Variants in MAP7 observed in about 807,000 individuals in gnomAD.
MAP7 encodes microtubule associated protein 7.
MAP7 carries 52 observed loss-of-function variants against 94.8 expected under a neutral mutation model. The observed-to-expected ratio is 0.55, with a 90% CI of 0.44 to 0.69. The LOEUF (loss-of-function observed/expected upper bound fraction) is 0.69. MAP7 is among the 30% of genes least tolerant of loss of function. MAP7 has a pLI of 0.00. For missense variants in MAP7, 940 were observed against 964.6 expected, an observed-to-expected ratio of 0.97 and a Z score of 0.34; for synonymous variants, 350 against 357.0, an observed-to-expected ratio of 0.98 and a Z score of 0.22.
chr6:136,441,701 T>C (rs1797911867), intron 1 of MAP7, among the ~76,000 whole-genome samples: 1 of 152,128 alleles, frequency 6.6e-6, no homozygotes. Context: ...TGACAGAAGA[T>C]GCTTTGAGTG....
intron 16 of MAP7, among the ~76,000 whole-genome samples, chr6:136,350,456 A>G (rs981481358): frequency 3.3e-5 from 5 of 152,230 alleles, no homozygotes; most frequent in African/African-American, 1.2e-4. Flanking sequence ...TTTTTAACAG[A>G]ATTTCAGATG....
At chr6:136,353,297 C>A (rs535887716) in intron 16 of MAP7, among the ~76,000 whole-genome samples, 8 of 152,238 alleles carry the variant, frequency 5.3e-5, no homozygotes, top group African/African-American at 1.9e-4. Context: ...GCTTATTTGA[C>A]AAGGGCTAAT....
chr6:136,466,771 AGT>A (rs1807249939), intron 1 of MAP7: 1 of 1,535,376 alleles, frequency 6.5e-7, no homozygotes, highest in East Asian at 2.4e-5. Flanking sequence ...AGTACAGTTT[AGT>A]GTCTTCCATG....
intron 1 of MAP7, among the ~76,000 whole-genome samples, chr6:136,431,175 TCCTA>T (rs2128807214): frequency 6.6e-6 from 1 of 152,334 alleles, no homozygotes; most frequent in East Asian, 1.9e-4. Context: ...TTTAAGCTAT[TCCTA>T]CCACCATCAC....
intron 5 of MAP7, among the ~76,000 whole-genome samples, chr6:136,386,464 T>A (rs1454788958): frequency 6.6e-6 from 1 of 152,168 alleles, no homozygotes; most frequent in African/African-American, 2.4e-5. Flanking sequence ...AAGCTTTGAG[T>A]GTGGAGGCAA....
At chr6:136,429,775 G>T (rs1276817052) in intron 1 of MAP7, among the ~76,000 whole-genome samples, 1 of 152,116 alleles carries the variant, frequency 6.6e-6, no homozygotes, top group East Asian at 1.9e-4. Flanking sequence ...TAAAAAATAA[G>T]TAAATAAGTA....
At chr6:136,466,669 G>A (rs1372758976) in intron 1 of MAP7, 1 of 1,251,746 alleles carries the variant, frequency 8.0e-7, no homozygotes, top group Non-Finnish European at 1.1e-6. Context: ...CTTGTTATAA[G>A]TATTAATTTG....
chr6:136,444,677 A>T (rs1798811499), intron 1 of MAP7, among the ~76,000 whole-genome samples: 1 of 152,330 alleles, frequency 6.6e-6, no homozygotes, highest in Non-Finnish European at 1.5e-5. Context: ...TAGAACAGGG[A>T]GGTAAATATT....
intron 8 of MAP7, among the ~76,000 whole-genome samples, chr6:136,369,946 A>G (rs542943224): frequency 1.5e-4 from 23 of 152,216 alleles, no homozygotes; most frequent in Non-Finnish European, 3.1e-4. Context: ...ATCAAACTTA[A>G]ACACTTCTAT....
intron 1 of MAP7, among the ~76,000 whole-genome samples, chr6:136,462,898 G>C (rs1805706873): frequency 6.8e-6 from 1 of 147,508 alleles, no homozygotes; most frequent in South Asian, 2.2e-4. Context: ...GGAGGCAGAG[G>C]TTGCAGTGAG....
intron 7 of MAP7, among the ~76,000 whole-genome samples, chr6:136,376,536 T>C (rs1486727293): frequency 2.0e-5 from 3 of 152,240 alleles, no homozygotes; most frequent in Non-Finnish European, 4.4e-5. Flanking sequence ...TCAGATGCAA[T>C]GTGATGGCTC....
intron 8 of MAP7, 89 bp downstream of exon 8, chr6:136,372,412 G>C: frequency 4.1e-6 from 6 of 1,473,000 alleles, no homozygotes; most frequent in Non-Finnish European, 5.5e-6. Context: ...CCCCTCTTAC[G>C]CCCACACCAC....
At chr6:136,460,025 C>T (rs1168292119) in intron 1 of MAP7, among the ~76,000 whole-genome samples, 2 of 152,136 alleles carry the variant, frequency 1.3e-5, no homozygotes, top group African/African-American at 4.8e-5. Flanking sequence ...TCCACAATCC[C>T]ACTTTTGAGG....
At chr6:136,538,732 A>G (rs1057414546) in intron 1 of MAP7, among the ~76,000 whole-genome samples, 9 of 145,232 alleles carry the variant, frequency 6.2e-5, no homozygotes, top group Non-Finnish European at 3.0e-5. Flanking sequence ...TCAAAGCTGC[A>G]GTGAGCCATG....
At chr6:136,487,411 T>A (rs1009378207) in intron 1 of MAP7, among the ~76,000 whole-genome samples, 3 of 152,204 alleles carry the variant, frequency 2.0e-5, no homozygotes, top group South Asian at 2.1e-4. Flanking sequence ...TAAATTTTTT[T>A]ACTTTCTAAA....
intron 3 of MAP7, among the ~76,000 whole-genome samples, chr6:136,399,292 A>AT (rs948770933): frequency 2.6e-5 from 4 of 152,220 alleles, no homozygotes; most frequent in African/African-American, 7.2e-5. Flanking sequence ...CCATGACTTG[A>AT]TTTTTTTGTT....
At chr6:136,378,779 A>G (rs1402019395) in intron 6 of MAP7, among the ~76,000 whole-genome samples, 2 of 152,236 alleles carry the variant, frequency 1.3e-5, no homozygotes, top group Non-Finnish European at 2.9e-5. Flanking sequence ...TGGCTCATGA[A>G]AAGATAGAAG....
At position 136,389,542 on chromosome 6, in the gene MAP7, A is replaced by G; in HGVS notation, c.245-25T>C. 3.1e-6 allele frequency: 5 copies of G among 1,604,314 alleles called. No homozygotes were observed. In the South Asian group the frequency reaches 5.5e-5, roughly 18 times the overall value. On this transcript the variant is annotated intron_variant, in intron 3 of 17. Coordinates refer to ENST00000354570, the MANE Select transcript of MAP7 (RefSeq NM_003980.6). ...GCTTTGGGGAGGGTTAAAAAAAAAA[A>G]AAAAGAGGGAAATCAAATATAGGCA... is the stretch of plus-strand genomic sequence containing the variant.
chr6:136,484,632 T>A (rs1392911340), intron 1 of MAP7, among the ~76,000 whole-genome samples: 2 of 152,246 alleles, frequency 1.3e-5, no homozygotes, highest in Non-Finnish European at 2.9e-5. Flanking sequence ...ATTTGTTCAG[T>A]GATTCTTAAA....
Sources: gnomAD v4.1 joint callset for allele counts (sites outside exome capture counted in the v4.1 genomes callset) on GRCh38, gnomAD v4.1.1 for gene constraint, MANE v1.5 for transcripts, NCBI Gene and HGNC (gene_info 2026-07-23, HGNC 2026-07-21) for gene names.